Variants in MCC observed in about 807,000 individuals in gnomAD.
MCC encodes colorectal mutant cancer protein.
MCC carries 90 observed loss-of-function variants against 116.2 expected under a neutral mutation model. That is an observed-to-expected ratio of 0.77 (90% CI 0.65 to 0.92). The LOEUF (loss-of-function observed/expected upper bound fraction) is 0.92, where lower values mean the gene tolerates loss of function less well. Ranked by LOEUF, MCC falls within the 40% of genes least tolerant of loss-of-function variation. The pLI is 0.00. For missense variants in MCC, 1,516 were observed against 1,312.2 expected, an observed-to-expected ratio of 1.16 and a Z score of -2.40; for synonymous variants, 578 against 510.5, an observed-to-expected ratio of 1.13 and a Z score of -1.78.
intron 1 of MCC, among the ~76,000 whole-genome samples, chr5:113,420,548 C>G (rs1234179194): frequency 6.6e-6 from 1 of 152,160 alleles, no homozygotes; most frequent in African/African-American, 2.4e-5. Context: ...CTGAAAGACA[C>G]ACTACAGATT....
chr5:113,410,328 C>T (rs1769949651), intron 1 of MCC, among the ~76,000 whole-genome samples: 1 of 152,076 alleles, frequency 6.6e-6, no homozygotes, highest in African/African-American at 2.4e-5. Flanking sequence ...CACAAGGTAT[C>T]CACTATATAG....
chr5:113,135,730 T>C (rs1011325523), intron 5 of MCC, among the ~76,000 whole-genome samples: 5 of 151,694 alleles, frequency 3.3e-5, no homozygotes, highest in Admixed American at 2.6e-4. Flanking sequence ...GTTTCACCAA[T>C]ACCAACTCAT....
intron 8 of MCC, among the ~76,000 whole-genome samples, chr5:113,089,974 G>C (rs1438497245): frequency 2.0e-5 from 3 of 152,188 alleles, no homozygotes; most frequent in Admixed American, 6.5e-5. Flanking sequence ...CTGAATTTGA[G>C]AAAACAACTG....
chr5:113,483,932 C>G (rs944959042), intron 1 of MCC, among the ~76,000 whole-genome samples: 7 of 152,104 alleles, frequency 4.6e-5, no homozygotes, highest in Non-Finnish European at 8.8e-5. Flanking sequence ...CCTTAGCAAA[C>G]TAACACAAGA....
chr5:113,277,898 A>G (rs1765888124), intron 3 of MCC, among the ~76,000 whole-genome samples: 1 of 152,190 alleles, frequency 6.6e-6, no homozygotes, highest in African/African-American at 2.4e-5. Context: ...TTATTATCCA[A>G]CAGTCTACTG....
intron 6 of MCC, among the ~76,000 whole-genome samples, chr5:113,120,898 C>A (rs570527821): frequency 6.6e-6 from 1 of 152,188 alleles, no homozygotes; most frequent in African/African-American, 2.4e-5. Context: ...TACTTCAAGA[C>A]ACTATAAACC....
At chr5:113,293,985 C>G (rs571659310) in intron 3 of MCC, among the ~76,000 whole-genome samples, 14 of 152,162 alleles carry the variant, frequency 9.2e-5, no homozygotes, top group Admixed American at 2.6e-4. Flanking sequence ...TGTATTTTAC[C>G]GATCAGGGAA....
chr5:113,264,712 A>G (rs1765355590), intron 3 of MCC, among the ~76,000 whole-genome samples: 1 of 152,184 alleles, frequency 6.6e-6, no homozygotes, highest in South Asian at 2.1e-4. Context: ...TTATGATGTA[A>G]AAATTATATG....
At chr5:113,351,179 T>C (rs576186238) in intron 2 of MCC, among the ~76,000 whole-genome samples, 51 of 152,258 alleles carry the variant, frequency 3.3e-4, no homozygotes, top group African/African-American at 1.2e-3. Context: ...GCAGTCCCAC[T>C]GCTGGATATA....
intron 2 of MCC, among the ~76,000 whole-genome samples, chr5:113,352,444 C>A (rs1768293956): frequency 6.6e-6 from 1 of 151,996 alleles, no homozygotes; most frequent in African/African-American, 2.4e-5. Flanking sequence ...TCTTCCCTCT[C>A]TTTCTCCTGT....
intron 3 of MCC, chr5:113,269,128 T>C (rs1765520052): frequency 7.1e-6 from 7 of 980,258 alleles, no homozygotes; most frequent in Non-Finnish European, 8.5e-6. Flanking sequence ...AGACCAGCCT[T>C]GCAACCTGGA....
chr5:113,187,023 A>C (rs1761928272), intron 3 of MCC, among the ~76,000 whole-genome samples: 1 of 152,178 alleles, frequency 6.6e-6, no homozygotes, highest in African/African-American at 2.4e-5. Flanking sequence ...TACTTTAGGA[A>C]AGTTTTCAGG....
At chr5:113,316,486 T>C (rs369464471) in intron 3 of MCC, among the ~76,000 whole-genome samples, 28 of 152,288 alleles carry the variant, frequency 1.8e-4, no homozygotes, top group East Asian at 1.7e-3. Context: ...CTCATAAGGA[T>C]TGAATATTCT....
At chr5:113,204,966 G>A (rs1302138781) in intron 3 of MCC, among the ~76,000 whole-genome samples, 1 of 151,980 alleles carries the variant, frequency 6.6e-6, no homozygotes, top group Non-Finnish European at 1.5e-5. Flanking sequence ...GTATTCAACA[G>A]ATGACAGGGC....
chr5:113,462,810 G>A (rs1431190823), intron 1 of MCC, among the ~76,000 whole-genome samples: 1 of 152,202 alleles, frequency 6.6e-6, no homozygotes, highest in Non-Finnish European at 1.5e-5. Context: ...TAGTAACAAT[G>A]TGCCAGGTTA....
At chr5:113,049,456 C>T (rs934640573) in intron 15 of MCC, among the ~76,000 whole-genome samples, 157 bp from the exon 16 acceptor site, 2 of 152,196 alleles carry the variant, frequency 1.3e-5, no homozygotes, top group East Asian at 1.9e-4. Context: ...TGGGAGGAGA[C>T]GTGGCACCTG....
At chr5:113,391,209 A>G (rs1769393437) in intron 1 of MCC, among the ~76,000 whole-genome samples, 1 of 152,190 alleles carries the variant, frequency 6.6e-6, no homozygotes, top group Non-Finnish European at 1.5e-5. Context: ...TCAGAGAGAC[A>G]CAAAAGAGAT....
At chr5:113,121,097 C>T (rs113873559) in intron 6 of MCC, among the ~76,000 whole-genome samples, 18 of 152,290 alleles carry the variant, frequency 1.2e-4, no homozygotes, top group African/African-American at 4.3e-4. Context: ...GTTTCCAATC[C>T]TTCAGCAAAT....
At chr5:113,085,082 C>T in intron 9 of MCC, 82 bp downstream of exon 9, 1 of 1,594,280 alleles carries the variant, frequency 6.3e-7, no homozygotes, top group Non-Finnish European at 8.6e-7. Context: ...AAGGGCATGC[C>T]TGTACAGTGG....
Sources: gnomAD v4.1 joint callset for allele counts (sites outside exome capture counted in the v4.1 genomes callset) on GRCh38, gnomAD v4.1.1 for gene constraint, MANE v1.5 for transcripts, NCBI Gene and HGNC (gene_info 2026-07-23, HGNC 2026-07-21) for gene names.